The following ZNF644 variants were observed in gnomAD, a reference collection of about 807,000 sequenced individuals.
ZNF644 encodes the protein zinc finger motif enhancer binding protein 2.
ZNF644 carries 20 observed loss-of-function variants against 108.0 expected under a neutral mutation model. The observed-to-expected ratio is 0.19, with a 90% CI of 0.13 to 0.27. ZNF644 has a LOEUF of 0.27. Among genes scored for constraint, ZNF644 ranks in the 10% least tolerant of loss-of-function variants. The pLI is 1.00. For missense variants in ZNF644, 1,338 were observed against 1,548.9 expected (o/e 0.86, Z 2.29); for synonymous variants, 542 against 539.1 (o/e 1.01, Z -0.08).
At chr1:90,960,434 G>A (rs1654219650) in intron 2 of ZNF644, among the ~76,000 whole-genome samples, 1 of 152,098 alleles carries the variant, frequency 6.6e-6, no homozygotes, top group Admixed American at 6.6e-5. Flanking sequence ...ACAGCAATAA[G>A]GTTTGGTACG....
chr1:91,009,509 A>T (rs570217064), intron 1 of ZNF644, among the ~76,000 whole-genome samples: 83 of 152,314 alleles, frequency 5.4e-4, no homozygotes, highest in African/African-American at 1.9e-3. Flanking sequence ...AATGTTCCTA[A>T]ATTTTAAAAC....
intron 1 of ZNF644, among the ~76,000 whole-genome samples, chr1:90,985,588 T>C (rs1337444335): frequency 2.0e-5 from 3 of 152,226 alleles, no homozygotes; most frequent in Admixed American, 2.0e-4. Context: ...TTATTTCACT[T>C]AGCATAATGT....
chr1:90,998,495 A>C (rs1470078191), intron 1 of ZNF644, among the ~76,000 whole-genome samples: 3 of 152,242 alleles, frequency 2.0e-5, no homozygotes, highest in Non-Finnish European at 2.9e-5. Context: ...CCTCACTGTT[A>C]GAAGGAAAAC....
chr1:90,938,097 A>C lies in ZNF644; in HGVS notation c.3083-7T>G. On this transcript the variant is annotated splice_region_variant and splice_polypyrimidine_tract_variant and intron_variant, in intron 3 of 5. Coordinates refer to ENST00000337393, the MANE Select transcript of ZNF644 (RefSeq NM_201269.3). The surrounding 1 kb of genome is among the most constrained non-coding windows in gnomAD (Gnocchi z 4.2). ...GTTTCAGACTTCTCTATAGCTAGAAAAAAATTTTTAAGAGTAATATCAGAC... is the reference window on the plus strand; with the variant it reads ...GTTTCAGACTTCTCTATAGCTAGAACAAAATTTTTAAGAGTAATATCAGAC... 1 of 1,610,952 alleles carries C rather than the reference A, an allele frequency of 6.2e-7. No homozygotes were observed. Among genetic ancestry groups the C allele is most frequent in the Non-Finnish European group, 8.5e-7 (1 of 1,179,596 alleles).
rs975342505 is a variant in ZNF644, at chr1:90,938,353, G to A, written c.3001C>T (p.Pro1001Ser). 2 of 1,613,894 alleles carry A rather than the reference G, an allele frequency of 1.2e-6. No individual in the cohort carries two copies. Among genetic ancestry groups the A allele is most frequent in the Non-Finnish European group, 1.7e-6 (2 of 1,179,856 alleles). ...TTGTCACTTGTGGCTATTTGTTCTG[G>A]TGATACAACATGACGGGCTTCATAG... ...LSYEARHVVS[P>S]EQIATSDKMQ... Residue 1001 changes from proline (P) to serine (S), a missense_variant, in exon 3 of 6, where the codon CCA becomes TCA. Physicochemically the swap from Pro to Ser is moderately conservative, Grantham distance 74. Coordinates refer to ENST00000337393, the MANE Select transcript of ZNF644 (RefSeq NM_201269.3). The surrounding 1 kb of genome is among the most constrained non-coding windows in gnomAD (Gnocchi z 4.2).
chr1:91,013,587 A>G (rs1488075913), intron 1 of ZNF644, among the ~76,000 whole-genome samples: 2 of 152,026 alleles, frequency 1.3e-5, no homozygotes, highest in Admixed American at 6.6e-5. Context: ...TTTAATTCCT[A>G]TCACTTCTTT....
chr1:90,967,624 G>A (rs1272537369), intron 2 of ZNF644, among the ~76,000 whole-genome samples: 2 of 152,088 alleles, frequency 1.3e-5, no homozygotes, highest in East Asian at 1.9e-4. Flanking sequence ...AATGAATAAA[G>A]CCCTGATATC....
intron 1 of ZNF644, among the ~76,000 whole-genome samples, chr1:91,011,371 C>T (rs367985606): frequency 1.4e-4 from 21 of 152,176 alleles, no homozygotes; most frequent in African/African-American, 3.9e-4. Context: ...CCCATTTCTG[C>T]GCAATTTACA....
At chr1:90,968,405 T>G (rs998907131) in intron 2 of ZNF644, among the ~76,000 whole-genome samples, 3 of 152,204 alleles carry the variant, frequency 2.0e-5, no homozygotes, top group Non-Finnish European at 4.4e-5. Flanking sequence ...AAACTGTATA[T>G]AAGCATTCTA....
Position 90,938,287 on chromosome 1 carries a change from T to G in ZNF644, c.3067A>C (p.Lys1023Gln). The change falls in exon 3 of 6, where the codon AAA (lysine) becomes CAA (glutamine). Residue 1023 changes from lysine (K) to glutamine (Q), a missense_variant. Transcript: ENST00000337393. This position sits in a 1 kb window ranked among gnomAD's most constrained non-coding sequence, Gnocchi z 4.2. Reference sequence around the variant, plus strand: ...GAGAACTTACCTTTTCTAACTCGTTTAACAGGTGTTCCTGTGCCAGTTCTT... The same window carrying G: ...GAGAACTTACCTTTTCTAACTCGTTGAACAGGTGTTCCTGTGCCAGTTCTT... ...FKRTGTGTPV[K>Q]RVRKAIEKSE... The G allele has an allele frequency of 6.2e-7, 1 of 1,614,038 alleles. No homozygotes were observed. Among genetic ancestry groups the G allele is most frequent in the Non-Finnish European group, 8.5e-7 (1 of 1,179,888 alleles).
chr1:91,001,060 G>A (rs1011043777), intron 1 of ZNF644, among the ~76,000 whole-genome samples: 8 of 152,010 alleles, frequency 5.3e-5, no homozygotes, highest in African/African-American at 1.9e-4. Context: ...ACCAACCAAA[G>A]AAAGTCCAGG....
chr1:90,938,345 T>C lies in ZNF644; in HGVS notation c.3009A>G (p.Gln1003=), dbSNP rs1557565570. Residue 1003 remains glutamine (Q), a synonymous_variant, in exon 3 of 6, where the codon CAA becomes CAG. Transcript: ENST00000337393. The surrounding 1 kb of genome is among the most constrained non-coding windows in gnomAD (Gnocchi z 4.2). ...YEARHVVSPE[Q]IATSDKMQHF... is the part of the protein sequence containing the mutation. ...GCTGCATTTTGTCACTTGTGGCTAT[T>C]TGTTCTGGTGATACAACATGACGGG... 1 of 1,614,006 alleles carries C rather than the reference T, an allele frequency of 6.2e-7. No homozygotes were observed. The highest frequency in any genetic ancestry group is 2.2e-5 in the East Asian group (1 of 44,880).
At chr1:90,971,115 G>A (rs566929682) in intron 2 of ZNF644, among the ~76,000 whole-genome samples, 1 of 148,698 alleles carries the variant, frequency 6.7e-6, no homozygotes, top group African/African-American at 2.5e-5. Flanking sequence ...AGGTAGAAAA[G>A]AGATTGAGAA....
chr1:90,969,855 T>C (rs1655283880), intron 2 of ZNF644, among the ~76,000 whole-genome samples: 1 of 152,208 alleles, frequency 6.6e-6, no homozygotes, highest in East Asian at 1.9e-4. Flanking sequence ...TACTGGAATG[T>C]ATCCCCCACG....
chr1:90,943,382 A>C (rs1026147742), intron 2 of ZNF644, among the ~76,000 whole-genome samples: 3 of 152,186 alleles, frequency 2.0e-5, no homozygotes, highest in Non-Finnish European at 4.4e-5. Context: ...CAGAGCTTGC[A>C]GTGAGCCAAG....
intron 2 of ZNF644, among the ~76,000 whole-genome samples, chr1:90,959,585 A>G (rs777100475): frequency 3.0e-4 from 45 of 152,180 alleles, no homozygotes; most frequent in Non-Finnish European, 5.6e-4. Flanking sequence ...AGCACATGCT[A>G]CAACTTGCCA....
At chr1:90,924,042 G>A (rs1257577524) in intron 4 of ZNF644, among the ~76,000 whole-genome samples, 1 of 152,110 alleles carries the variant, frequency 6.6e-6, no homozygotes, top group Non-Finnish European at 1.5e-5. Context: ...GGTATTTTGA[G>A]CAAGTATTCT....
At chr1:90,917,129 T>C in intron 5 of ZNF644, 139 bp from the exon 6 acceptor site, 2 of 894,660 alleles carry the variant, frequency 2.2e-6, no homozygotes, top group East Asian at 2.6e-5. Context: ...AGTCAAATGA[T>C]TTAATAAAAC....
At chr1:90,992,934 C>T (rs1657784866) in intron 1 of ZNF644, among the ~76,000 whole-genome samples, 1 of 151,986 alleles carries the variant, frequency 6.6e-6, no homozygotes, top group Non-Finnish European at 1.5e-5. Flanking sequence ...GTCCTAGCTA[C>T]TCAAGAGGCC....
Sources: gnomAD v4.1 joint callset for allele counts (sites outside exome capture counted in the v4.1 genomes callset) on GRCh38, gnomAD v4.1.1 for gene constraint, Gnocchi (gnomAD v3.1) non-coding constraint, MANE v1.5 for transcripts, NCBI Gene and HGNC (gene_info 2026-07-23, HGNC 2026-07-21) for gene names.